KCNN3: variants seen among roughly 807,000 people sequenced by gnomAD.
KCNN3 encodes the protein small conductance calcium-activated potassium channel protein 3.
Under a neutral mutation model 62.9 loss-of-function variants are expected in KCNN3, and 16 were observed. The ratio of observed to expected loss-of-function variants is 0.25; its 90% CI spans 0.17 to 0.39. KCNN3 has a LOEUF of 0.39. KCNN3 is among the 10% of genes least tolerant of loss of function. The pLI is 1.00. For missense variants in KCNN3, 599 were observed against 949.4 expected (o/e 0.63, Z 4.85); for synonymous variants, 370 against 389.2 (o/e 0.95, Z 0.58).
rs1648605972 is a variant in KCNN3 at position 154,772,470 on chromosome 1, C to G, written c.1030-77G>C. The G allele has an allele frequency of 7.1e-7, 1 of 1,409,884 alleles. No homozygotes were observed. Among genetic ancestry groups the G allele is most frequent in the Non-Finnish European group, 9.9e-7 (1 of 1,009,098 alleles). The allele number at this position is 1,409,884 out of a possible 1,614,324, so 87.3% of individuals were successfully genotyped here. A position where few individuals can be genotyped will look rare whatever the true frequency, so the allele number is the denominator to read the frequency against. On this transcript the variant is annotated intron_variant, in intron 2 of 7. Transcript: ENST00000271915. The surrounding 1 kb of genome is among the most constrained non-coding windows in gnomAD (Gnocchi z 5.6). Reference sequence around the variant, plus strand: ...CAGGGTCCAGGCAGGACAGGTGGGGCAGGCTGGGGCAGGCTGCTGGGCTCA... The same window carrying G: ...CAGGGTCCAGGCAGGACAGGTGGGGGAGGCTGGGGCAGGCTGCTGGGCTCA...
chr1:154,738,073 A>G (rs931485252), intron 3 of KCNN3, among the ~76,000 whole-genome samples: 2 of 152,252 alleles, frequency 1.3e-5, no homozygotes, highest in Non-Finnish European at 1.5e-5. Flanking sequence ...ATTCAAAAAC[A>G]AAAATCCCCA....
At chr1:154,828,573 C>T (rs1323831730) in intron 1 of KCNN3, among the ~76,000 whole-genome samples, 4 of 152,224 alleles carry the variant, frequency 2.6e-5, no homozygotes, top group Non-Finnish European at 5.9e-5. Context: ...GTCTTTGCTA[C>T]TAACTAGCTG....
At chr1:154,857,143 C>A (rs1183954698) in intron 1 of KCNN3, among the ~76,000 whole-genome samples, 1 of 152,194 alleles carries the variant, frequency 6.6e-6, no homozygotes, top group Admixed American at 6.5e-5. Context: ...AGGCAGTGCC[C>A]TTGTCTCATT....
rs143130189 is a variant in KCNN3 at position 154,869,631 on chromosome 1, G to T, written c.334C>A (p.Pro112Thr). 2.5e-5 allele frequency: 40 copies of T among 1,613,602 alleles called. No individual in the cohort carries two copies. The South Asian group carries it at 3.3e-4, about 13-fold the overall frequency. Residue 112 changes from proline to threonine, a missense_variant, in exon 1 of 8, where the codon CCT becomes ACT. Around this residue, in one of 7 missense-constraint regions of KCNN3, gnomAD observed 112 missense variants for 142.9 expected, o/e 0.78. Transcript: ENST00000271915. The surrounding 1 kb of genome is among the most constrained non-coding windows in gnomAD (Gnocchi z 6.1). ...HSSPTAFRAP[P>T]SSNSTAILHP... ...AGGATGGCGGTGGAGTTGGACGAAGGGGGGGCCCTGAAAGCGGTGGGAGAG... is the reference window on the plus strand; with the variant it reads ...AGGATGGCGGTGGAGTTGGACGAAGTGGGGGCCCTGAAAGCGGTGGGAGAG...
chr1:154,720,636 T>C (rs1181360928), intron 5 of KCNN3, among the ~76,000 whole-genome samples: 1 of 152,210 alleles, frequency 6.6e-6, no homozygotes. Flanking sequence ...TAAAGAAAAG[T>C]TTTCTTCAGT....
intron 3 of KCNN3, among the ~76,000 whole-genome samples, chr1:154,746,536 C>T (rs914885136): frequency 2.0e-5 from 3 of 152,168 alleles, no homozygotes; most frequent in African/African-American, 7.2e-5. Flanking sequence ...TCCTCCTTCT[C>T]CTCTATTTTT....
chr1:154,854,237 A>AAAT (rs748608072), intron 1 of KCNN3, among the ~76,000 whole-genome samples: 89 of 152,040 alleles, frequency 5.9e-4, no homozygotes, highest in Non-Finnish European at 1.2e-3. Flanking sequence ...TCCATCTCAA[A>AAAT]AATAATAATA....
intron 2 of KCNN3, among the ~76,000 whole-genome samples, chr1:154,776,639 G>T (rs1648802930): frequency 6.6e-6 from 1 of 152,186 alleles, no homozygotes; most frequent in Non-Finnish European, 1.5e-5. Flanking sequence ...CCGATTCAGA[G>T]CAAGTAGCAG....
At chr1:154,744,836 T>C (rs1468367426) in intron 3 of KCNN3, among the ~76,000 whole-genome samples, 1 of 151,724 alleles carries the variant, frequency 6.6e-6, no homozygotes, top group Non-Finnish European at 1.5e-5. Context: ...AAGAATCCCA[T>C]TGAAATTCAA....
At chr1:154,807,909 C>T (rs1242428806) in intron 2 of KCNN3, among the ~76,000 whole-genome samples, 6 of 152,058 alleles carry the variant, frequency 3.9e-5, no homozygotes, top group Admixed American at 2.0e-4. Flanking sequence ...TTAATCCTAA[C>T]AATCTCCCAA....
chr1:154,781,054 CG>C (rs970798124), intron 2 of KCNN3, among the ~76,000 whole-genome samples: 2 of 152,152 alleles, frequency 1.3e-5, no homozygotes, highest in African/African-American at 4.8e-5. Flanking sequence ...CTCTTTGGTC[CG>C]GCCAGGATAG....
intron 1 of KCNN3, among the ~76,000 whole-genome samples, chr1:154,826,291 G>A (rs1398272388): frequency 6.6e-6 from 1 of 152,160 alleles, no homozygotes; most frequent in African/African-American, 2.4e-5. Context: ...TGTGGTCCCT[G>A]TTCTGCTCCA....
intron 4 of KCNN3, among the ~76,000 whole-genome samples, chr1:154,728,842 A>T (rs1321025140): frequency 6.6e-6 from 1 of 152,182 alleles, no homozygotes; most frequent in Admixed American, 6.5e-5. Context: ...GGAAGGAAGA[A>T]CAAGGAGCCT....
chr1:154,868,964 CTCAATCCCTCTCTT>C, intron 1 of KCNN3, 54 bp downstream of exon 1: 1 of 1,372,766 alleles, frequency 7.3e-7, no homozygotes, highest in African/African-American at 1.4e-5. Flanking sequence ...ATCCCCCTCT[CTCAATCCCTCTCTT>C]GCTACCTACA....
chr1:154,747,617 T>C (rs1371263277), intron 3 of KCNN3, among the ~76,000 whole-genome samples: 2 of 152,174 alleles, frequency 1.3e-5, no homozygotes, highest in African/African-American at 2.4e-5. Flanking sequence ...GCTAGCCTGA[T>C]GGAAATGATT....
intron 5 of KCNN3, among the ~76,000 whole-genome samples, chr1:154,722,860 TA>T (rs1454450787): frequency 3.9e-5 from 6 of 152,054 alleles, no homozygotes; most frequent in Admixed American, 2.6e-4. Flanking sequence ...GCCTCCTGAG[TA>T]GCTGGGATTA....
At chr1:154,789,839 G>A (rs900188737) in intron 2 of KCNN3, among the ~76,000 whole-genome samples, 1 of 152,150 alleles carries the variant, frequency 6.6e-6, no homozygotes, top group African/African-American at 2.4e-5. Context: ...ACCATGTATT[G>A]CAGCTAGTTT....
At chr1:154,720,708 T>C (rs1024765860) in intron 5 of KCNN3, among the ~76,000 whole-genome samples, 16 of 152,234 alleles carry the variant, frequency 1.1e-4, no homozygotes, top group African/African-American at 3.6e-4. Context: ...AAGTAATTTG[T>C]TCAGAGCTAA....
At chr1:154,828,682 A>G (rs1651249678) in intron 1 of KCNN3, among the ~76,000 whole-genome samples, 1 of 152,186 alleles carries the variant, frequency 6.6e-6, no homozygotes, top group Non-Finnish European at 1.5e-5. Context: ...AGGGGATGAG[A>G]TGAGATCATG....
Sources: allele counts gnomAD v4.1 joint callset (sites outside exome capture counted in the v4.1 genomes callset), GRCh38; gene constraint gnomAD v4.1.1; regional missense constraint gnomAD v4.1.1; non-coding constraint Gnocchi (gnomAD v3.1); transcripts MANE v1.5; gene names NCBI Gene and HGNC (gene_info 2026-07-23, HGNC 2026-07-21).